SQSTM1: variants seen among roughly 807,000 people sequenced by gnomAD.
The protein encoded by SQSTM1 is sequestosome-1.
A neutral mutation model predicts 45.1 loss-of-function variants in SQSTM1; 36 were observed. The ratio of observed to expected loss-of-function variants is 0.80; its 90% CI spans 0.61 to 1.05. The LOEUF is 1.05. Ranked by LOEUF, SQSTM1 falls within the 50% of genes least tolerant of loss-of-function variation. The pLI, the probability that SQSTM1 is intolerant of heterozygous loss-of-function variation, is 0.00. For missense variants in SQSTM1, 617 were observed against 607.1 expected (o/e 1.02, Z -0.17); for synonymous variants, 290 against 244.3 (o/e 1.19, Z -1.74).
chr5:179,826,681 A>G (rs980716456), intron 5 of SQSTM1, among the ~76,000 whole-genome samples: 9 of 148,840 alleles, frequency 6.0e-5, no homozygotes, highest in African/African-American at 2.2e-4. Flanking sequence ...GCTCACTGCA[A>G]CCTCTGCCTT....
intron 1 of SQSTM1, chr5:179,821,792 G>C: frequency 6.4e-6 from 2 of 314,716 alleles, no homozygotes; most frequent in South Asian, 2.2e-5. Flanking sequence ...CCTGTTTCCT[G>C]CTGCGCTGGT....
At chr5:179,808,105 C>T (rs1471807934) in intron 1 of SQSTM1, 3 of 152,352 alleles carry the variant, frequency 2.0e-5, no homozygotes, top group Non-Finnish European at 2.9e-5. Context: ...GGGCCCGGTT[C>T]CTGGTGGAGG....
chr5:179,819,715 C>G (rs184543084), upstream of SQSTM1, among the ~76,000 whole-genome samples: 380 of 152,314 alleles, frequency 2.5e-3, 3 homozygotes, highest in African/African-American at 8.7e-3. Flanking sequence ...TCTCCACCGC[C>G]GGATGCAGGG....
rs967690981 is a variant in SQSTM1 at position 179,836,774 on chromosome 5, T to C, written c.*181T>C. ...GACATGAAGGGAGGGTCCCTGTGTG[T>C]GTGTGTGCTGATGTTTCCTGGGTGC... On this transcript the variant is annotated 3_prime_UTR_variant, in exon 8 of 8. Coordinates refer to ENST00000389805, the MANE Select transcript of SQSTM1 (RefSeq NM_003900.5). 3.4e-5 allele frequency: 31 copies of C among 915,672 alleles called. No homozygotes were observed. In the Admixed American group the frequency reaches 6.2e-4, roughly 18 times the overall value. The allele number at this position is 915,672 out of a possible 1,614,324, so 56.7% of individuals were successfully genotyped here.
At chr5:179,831,594 A>G (rs1367602955) in intron 5 of SQSTM1, among the ~76,000 whole-genome samples, 2 of 151,974 alleles carry the variant, frequency 1.3e-5, no homozygotes, top group Admixed American at 1.3e-4. Flanking sequence ...CCTGGTGGGC[A>G]GAGGCTGCAG....
At chr5:179,808,515 G>A (rs1386027524) in intron 1 of SQSTM1, 2 of 152,220 alleles carry the variant, frequency 1.3e-5, no homozygotes, top group African/African-American at 4.8e-5. Context: ...GTTACTTAAT[G>A]TTAAAACTTA....
intron 4 of SQSTM1, among the ~76,000 whole-genome samples, chr5:179,824,853 C>G (rs558125279): frequency 1.3e-5 from 2 of 152,052 alleles, no homozygotes; most frequent in African/African-American, 4.8e-5. Flanking sequence ...CATATTTACT[C>G]AAGGAGGTGA....
intron 7 of SQSTM1, among the ~76,000 whole-genome samples, chr5:179,834,237 G>GGGC (rs1554091559): frequency 1.2e-5 from 1 of 84,136 alleles, no homozygotes; most frequent in African/African-American, 6.3e-5. Flanking sequence ...AGGCAGCAGT[G>GGGC]GGGGGGTGGG....
At chr5:179,832,467 A>T (rs1228799383) in intron 5 of SQSTM1, among the ~76,000 whole-genome samples, 1 of 152,090 alleles carries the variant, frequency 6.6e-6, no homozygotes, top group African/African-American at 2.4e-5. Context: ...TCCGGCGTTG[A>T]GGTGTGCGTG....
In SQSTM1 at chr5:179,836,445, C is replaced by G; in HGVS notation, c.1175C>G (p.Pro392Arg). Reference protein sequence around the residue: ...LYPHLPPEADPRLIESLSQML... With the variant: ...LYPHLPPEADRRLIESLSQML... ...CTTACTGTTTCGGCAGAGGCTGACC[C>G]GCGGCTGATTGAGTCCCTCTCCCAG... Residue 392 changes from proline (P) to arginine (R), a missense_variant, in exon 8 of 8, where the codon CCG becomes CGG. By Grantham distance (103) the Pro-to-Arg change is moderately radical. Transcript: ENST00000389805. 1.2e-6 allele frequency: 2 copies of G among 1,614,158 alleles called. No homozygotes were observed. The highest frequency in any genetic ancestry group is 1.7e-6 in the Non-Finnish European group (2 of 1,180,034).
chr5:179,821,198 C>T (rs1757761168), intron 1 of SQSTM1, 57 bp downstream of exon 1: 2 of 1,307,738 alleles, frequency 1.5e-6, no homozygotes, highest in South Asian at 2.0e-5. Context: ...GGCCTCCTGC[C>T]GCGGGGTGGC....
At chr5:179,815,729 T>A (rs1354051295), upstream of SQSTM1, among the ~76,000 whole-genome samples, 1 of 152,160 alleles carries the variant, frequency 6.6e-6, no homozygotes, top group Non-Finnish European at 1.5e-5. Flanking sequence ...GGGGTTTACC[T>A]CACCCTACTT....
intron 1 of SQSTM1, chr5:179,807,077 C>G (rs1379210581): frequency 3.3e-5 from 5 of 151,716 alleles, no homozygotes; most frequent in South Asian, 2.1e-4. Context: ...GCCGGGATCC[C>G]GATCGGCTCC....
In SQSTM1 at chr5:179,806,952, G is replaced by T. The variant is rs1342874243; in HGVS notation, c.-157+361G>T. 1 of 150,586 alleles carries T rather than the reference G, an allele frequency of 6.6e-6. No individual in the cohort carries two copies. The highest frequency in any genetic ancestry group is 2.4e-5 in the African/African-American group (1 of 41,282). The allele number at this position is 150,586 out of a possible 1,614,324, so 9.3% of individuals were successfully genotyped here. On this transcript the variant is annotated intron_variant, in intron 1 of 5. Transcript: ENST00000514093. This position sits in a 1 kb window ranked among gnomAD's most constrained non-coding sequence, Gnocchi z 4.6. Reference sequence around the variant, plus strand: ...GAGCCGCGGCCCGGCCTGGATCTGGGGCCTGGATCTGGGGCCGCCGCGGAG... The same window carrying T: ...GAGCCGCGGCCCGGCCTGGATCTGGTGCCTGGATCTGGGGCCGCCGCGGAG...
intron 1 of SQSTM1, among the ~76,000 whole-genome samples, chr5:179,809,637 C>CTT (rs1181470503): frequency 0.016 from 1,246 of 77,674 alleles, 50 homozygotes; most frequent in African/African-American, 0.033. Context: ...GCGCCTGGCC[C>CTT]TTTTTTTTTT....
chr5:179,825,075 A>T (rs11958669), intron 4 of SQSTM1, 71 bp from the exon 5 acceptor site: 1 of 1,504,668 alleles, frequency 6.6e-7, no homozygotes, highest in East Asian at 2.3e-5. Flanking sequence ...CCTTGGCAAG[A>T]AGGTGACAGG....
At chr5:179,808,463 C>A (rs2113453699) in intron 1 of SQSTM1, 1 of 152,324 alleles carries the variant, frequency 6.6e-6, no homozygotes, top group Middle Eastern at 3.4e-3. Context: ...AATGGCTTTT[C>A]ACTTAGGTTG....
intron 5 of SQSTM1, among the ~76,000 whole-genome samples, chr5:179,831,966 G>A (rs1391548923): frequency 6.6e-6 from 1 of 152,000 alleles, no homozygotes; most frequent in East Asian, 1.9e-4. Context: ...TGTATTTTTA[G>A]TAGAGACGGG....
intron 5 of SQSTM1, among the ~76,000 whole-genome samples, chr5:179,832,474 CGT>C (rs963911668): frequency 4.6e-5 from 7 of 152,300 alleles, no homozygotes; most frequent in Non-Finnish European, 8.8e-5. Flanking sequence ...TTGAGGTGTG[CGT>C]GTGTGTCGTC....
Sources: allele counts gnomAD v4.1 joint callset (sites outside exome capture counted in the v4.1 genomes callset), GRCh38; gene constraint gnomAD v4.1.1; non-coding constraint Gnocchi (gnomAD v3.1); transcripts MANE v1.5; gene names NCBI Gene and HGNC (gene_info 2026-07-23, HGNC 2026-07-21).